Variants in PIK3CD observed in about 807,000 individuals in gnomAD.
PIK3CD encodes phosphatidylinositol 4,5-bisphosphate 3-kinase catalytic subunit delta isoform.
PIK3CD carries 20 observed loss-of-function variants against 122.9 expected under a neutral mutation model. The observed-to-expected ratio is 0.16, with a 90% CI of 0.11 to 0.24. The LOEUF (loss-of-function observed/expected upper bound fraction) is 0.24, where lower values mean the gene tolerates loss of function less well. Ranked by LOEUF, PIK3CD falls within the 10% of genes least tolerant of loss-of-function variation. The pLI is 1.00. For missense variants in PIK3CD, 787 were observed against 1,406.3 expected, an observed-to-expected ratio of 0.56 and a Z score of 7.04; for synonymous variants, 596 against 593.4, an observed-to-expected ratio of 1.00 and a Z score of -0.06.
chr1:9,638,354 T>C, the PIK3CD span, among the ~76,000 whole-genome samples: 1 of 152,028 alleles, frequency 6.6e-6, no homozygotes, highest in African/African-American at 2.4e-5. Flanking sequence ...TTTCACTCCC[T>C]GTGCACTCAT....
chr1:9,669,487 A>G (rs1645259073), intron 1 of PIK3CD, among the ~76,000 whole-genome samples: 1 of 152,220 alleles, frequency 6.6e-6, no homozygotes, highest in South Asian at 2.1e-4. Flanking sequence ...TTAGGAAGAC[A>G]GGAATTGTAG....
rs2100967074 is a variant in PIK3CD at position 9,721,437 on chromosome 1, C to T, written c.1812-7C>T. 6.2e-7 allele frequency: 1 copy of T among 1,613,332 alleles called. No homozygotes were observed. The highest frequency in any genetic ancestry group is 8.5e-7 in the Non-Finnish European group (1 of 1,180,020). ...GCTCCAGGCCCCAGCGCCTTCCTTC[C>T]CTGCAGGGACGATGAGCTGTTCCAG... On this transcript the variant is annotated splice_region_variant and splice_polypyrimidine_tract_variant and intron_variant, in intron 14 of 23. Transcript: ENST00000377346.
intron 1 of PIK3CD, chr1:9,654,142 T>C (rs1644765931): frequency 1.0e-5 from 13 of 1,263,570 alleles, no homozygotes; most frequent in Middle Eastern, 4.3e-4. Context: ...TGAGCCCCAC[T>C]TCCCCCGCCC....
At position 9,717,393 on chromosome 1, in the gene PIK3CD, G is replaced by GGA. The variant is rs34287026; in HGVS notation, c.931-143_931-142dup. On this transcript the variant is annotated intron_variant, in intron 7 of 23. Transcript: ENST00000377346. The surrounding 1 kb of genome is among the most constrained non-coding windows in gnomAD (Gnocchi z 5.4). ...CCCGCATGGCAGGTTTTCTGGGAAA[G>GGA]GATAGCATTGTGGACAGGCCCAAAC... The GGA allele has an allele frequency of 0.39, 334,403 of 865,246 alleles. 75,302 individuals are homozygous for GGA. Among genetic ancestry groups the GGA allele is most frequent in the Non-Finnish European group, 0.48 (251,407 of 528,652 alleles). 53.6% of individuals were successfully genotyped at this position (865,246 alleles called of 1,614,324 possible). A position where few individuals can be genotyped will look rare whatever the true frequency, so the allele number is the denominator to read the frequency against.
chr1:9,714,471 G>A (rs946775618), intron 3 of PIK3CD, among the ~76,000 whole-genome samples: 1 of 152,178 alleles, frequency 6.6e-6, no homozygotes, highest in African/African-American at 2.4e-5. Context: ...CTCACCCCTG[G>A]TCTATGTTAA....
the PIK3CD span, among the ~76,000 whole-genome samples, chr1:9,645,834 G>C: frequency 2.0e-5 from 3 of 152,228 alleles, no homozygotes; most frequent in East Asian, 5.8e-4. Context: ...GTGAACCCCT[G>C]ACCTCAGGTG....
intron 1 of PIK3CD, among the ~76,000 whole-genome samples, chr1:9,679,875 A>G (rs1005641150): frequency 7.2e-5 from 11 of 152,194 alleles, no homozygotes; most frequent in African/African-American, 2.7e-4. Flanking sequence ...CACAGGCTGA[A>G]GTGCAGTGGC....
intron 23 of PIK3CD, 121 bp downstream of exon 23, chr1:9,725,057 C>T: frequency 8.0e-7 from 1 of 1,257,844 alleles, no homozygotes. Context: ...GTGTGTGCCT[C>T]ATGCCGTCCC....
At chr1:9,650,226 A>C (rs1644646582), upstream of PIK3CD, among the ~76,000 whole-genome samples, 1 of 152,120 alleles carries the variant, frequency 6.6e-6, no homozygotes, top group Non-Finnish European at 1.5e-5. Flanking sequence ...GTTCAAGACC[A>C]GCCTGGTGAA....
the PIK3CD span, among the ~76,000 whole-genome samples, chr1:9,640,593 A>G: frequency 6.6e-6 from 1 of 152,002 alleles, no homozygotes; most frequent in African/African-American, 2.4e-5. Flanking sequence ...AAAAGAAAAA[A>G]AAAAAGAAAC....
At chr1:9,629,774 C>T in the PIK3CD span, among the ~76,000 whole-genome samples, 1,011 of 152,324 alleles carry the variant, frequency 6.6e-3, 11 homozygotes, top group African/African-American at 0.023. Context: ...AAGGCTCCCC[C>T]ACCCCTGCAG....
At chr1:9,662,698 T>A (rs1427362717) in intron 1 of PIK3CD, 1 of 150,964 alleles carries the variant, frequency 6.6e-6, no homozygotes, top group Non-Finnish European at 1.5e-5. Flanking sequence ...TCTTTCTTCT[T>A]TTTTTTTTGA....
chr1:9,667,773 G>C (rs1174022579), intron 1 of PIK3CD, among the ~76,000 whole-genome samples: 1 of 140,890 alleles, frequency 7.1e-6, no homozygotes, highest in Admixed American at 7.4e-5. Flanking sequence ...GTCTCACTCT[G>C]TCGCCCACAC....
rs1647631917 is a variant in PIK3CD at position 9,717,207 on chromosome 1, ATGG to A, written c.930+100_930+102del. The A allele has an allele frequency of 6.9e-7, 1 of 1,449,014 alleles. No homozygotes were observed. The allele number at this position is 1,449,014 out of a possible 1,614,324, so 89.8% of individuals were successfully genotyped here. A position where few individuals can be genotyped will look rare whatever the true frequency, so the allele number is the denominator to read the frequency against. On this transcript the variant is annotated intron_variant, in intron 7 of 23. Coordinates refer to ENST00000377346, the MANE Select transcript of PIK3CD (RefSeq NM_005026.5). The surrounding 1 kb of genome is among the most constrained non-coding windows in gnomAD (Gnocchi z 5.4). ...GGCCATGGGTCCAGGGGCCCTTGGT[ATGG>A]AGAGCTGGGGCTTTGAGCTGGGGAA...
chr1:9,721,327 G>T, intron 14 of PIK3CD, 79 bp downstream of exon 14: 2 of 1,610,072 alleles, frequency 1.2e-6, no homozygotes, highest in Non-Finnish European at 1.7e-6. Context: ...TCTGGGTGGG[G>T]CCTGAACCTT....
chr1:9,721,676 G>A (rs1275206582), intron 15 of PIK3CD, 85 bp from the exon 16 acceptor site: 9 of 1,603,492 alleles, frequency 5.6e-6, no homozygotes, highest in Non-Finnish European at 6.8e-6. Flanking sequence ...GCAGGCCTGG[G>A]TGTCCTGGCC....
At chr1:9,682,589 G>A (rs1056580377) in intron 1 of PIK3CD, among the ~76,000 whole-genome samples, 6 of 152,086 alleles carry the variant, frequency 3.9e-5, no homozygotes, top group Non-Finnish European at 7.4e-5. Flanking sequence ...TCACTCTGTT[G>A]TCCAGGCTGG....
chr1:9,723,137 T>A lies in PIK3CD; in HGVS notation c.2439T>A (p.Tyr813Ter). The A allele has an allele frequency of 6.2e-7, 1 of 1,613,630 alleles. No homozygotes were observed. The highest frequency in any genetic ancestry group is 8.5e-7 in the Non-Finnish European group (1 of 1,180,008). The change falls in exon 20 of 24, where the codon TAT becomes TAA. Residue 813 changes from tyrosine (Y) to a stop codon, truncating the protein, a stop_gained. Coordinates refer to ENST00000377346, the MANE Select transcript of PIK3CD (RefSeq NM_005026.5). LOFTEE classifies it high-confidence loss of function. The surrounding 1 kb of genome is among the most constrained non-coding windows in gnomAD (Gnocchi z 4.9). ...QEGLDLRMTP[Y>*]GCLPTGDRTG... ...CCCCCTTGCCTAGGATGACCCCCTA[T>A]GGCTGCCTCCCCACCGGGGACCGCA...
At chr1:9,638,218 G>A in the PIK3CD span, among the ~76,000 whole-genome samples, 23 of 152,162 alleles carry the variant, frequency 1.5e-4, no homozygotes, top group Non-Finnish European at 3.2e-4. Context: ...CCTAAAGATG[G>A]GTCTAGGAAA....
Sources: allele counts gnomAD v4.1 joint callset (sites outside exome capture counted in the v4.1 genomes callset), GRCh38; gene constraint gnomAD v4.1.1; non-coding constraint Gnocchi (gnomAD v3.1); transcripts MANE v1.5; gene names NCBI Gene and HGNC (gene_info 2026-07-23, HGNC 2026-07-21).